The following EYS variants were observed in gnomAD, a reference collection of about 807,000 sequenced individuals.
EYS encodes the protein EGF-like photoreceptor maintenance factor.
EYS carries 250 observed loss-of-function variants against 282.1 expected under a neutral mutation model. The observed-to-expected ratio is 0.89, with a 90% confidence interval of 0.80 to 0.98. EYS has a LOEUF of 0.98. EYS is among the 50% of genes least tolerant of loss of function. EYS has a pLI of 0.00. For synonymous variants in EYS, 1,355 were observed against 1,282.9 expected (o/e 1.06, Z -1.20); for missense variants, 4,016 against 3,709.0 (o/e 1.08, Z -2.15).
chr6:64,329,042 G>A (rs1002567331), intron 29 of EYS, among the ~76,000 whole-genome samples: 1 of 152,134 alleles, frequency 6.6e-6, no homozygotes, highest in African/African-American at 2.4e-5. Context: ...TAATCGGACT[G>A]GCAGGAATCA....
At chr6:65,401,856 A>G (rs1241596165) in intron 7 of EYS, among the ~76,000 whole-genome samples, 1 of 151,946 alleles carries the variant, frequency 6.6e-6, no homozygotes, top group African/African-American at 2.4e-5. Flanking sequence ...TGAAGCAGTC[A>G]GATAAAAGTC....
intron 12 of EYS, among the ~76,000 whole-genome samples, chr6:65,214,652 C>T (rs1003307998): frequency 3.3e-5 from 5 of 152,120 alleles, no homozygotes; most frequent in Non-Finnish European, 5.9e-5. Context: ...AAATGTTCAA[C>T]GTAGACAAAA....
Position 64,230,817 on chromosome 6 carries a change from C to A in EYS, c.6199G>T (p.Gly2067Ter). The change falls in exon 31 of 43, where the codon GGA becomes TGA. Residue 2067 changes from glycine to a stop codon, truncating the protein, a stop_gained. Coordinates refer to ENST00000503581, the MANE Select transcript of EYS (RefSeq NM_001142800.2). LOFTEE classifies it high-confidence loss of function. ...GAGGCTGTTGGAGACAGCATAAATC[C>A]CTGGGATCTGTGATTTATAAACAGA... ...NYHINNCRSQ[G>*]FMLSPTASFV... The A allele has an allele frequency of 6.5e-7, 1 of 1,533,924 alleles. No individual in the cohort carries two copies. Among genetic ancestry groups the A allele is most frequent in the South Asian group, 1.2e-5 (1 of 82,952 alleles).
At chr6:64,245,161 G>A (rs950307623) in intron 30 of EYS, among the ~76,000 whole-genome samples, 2 of 152,120 alleles carry the variant, frequency 1.3e-5, no homozygotes, top group African/African-American at 2.4e-5. Context: ...CAACCCAAAT[G>A]TCCATCAATG....
At chr6:64,407,626 G>C (rs9451497) in intron 28 of EYS, among the ~76,000 whole-genome samples, 3 of 151,948 alleles carry the variant, frequency 2.0e-5, no homozygotes. Flanking sequence ...TTGTTTTCAA[G>C]GAATGTTTTA....
chr6:63,749,420 G>C (rs1399067957), intron 41 of EYS, among the ~76,000 whole-genome samples: 2 of 152,188 alleles, frequency 1.3e-5, no homozygotes, highest in African/African-American at 4.8e-5. Context: ...GTCAATTTTA[G>C]AGTGTGTGCC....
chr6:64,388,997 C>A (rs1398990913), intron 28 of EYS, among the ~76,000 whole-genome samples, 157 bp from the exon 29 acceptor site: 2 of 151,968 alleles, frequency 1.3e-5, no homozygotes, highest in Admixed American at 6.6e-5. Flanking sequence ...AAATTAGAAT[C>A]CTTAATGCTT....
intron 30 of EYS, among the ~76,000 whole-genome samples, chr6:64,239,176 C>A (rs1022364677): frequency 1.3e-5 from 2 of 152,120 alleles, no homozygotes; most frequent in African/African-American, 4.8e-5. Flanking sequence ...GGGTTGGTTC[C>A]AAGTCTTTGC....
chr6:64,016,439 C>T (rs977354763), intron 33 of EYS, among the ~76,000 whole-genome samples: 23 of 151,414 alleles, frequency 1.5e-4, no homozygotes, highest in African/African-American at 4.6e-4. Context: ...TAAACCTGTA[C>T]GTTGTAGCTC....
chr6:64,031,863 G>A (rs1165905944), intron 33 of EYS, among the ~76,000 whole-genome samples: 1 of 152,164 alleles, frequency 6.6e-6, no homozygotes, highest in Non-Finnish European at 1.5e-5. Flanking sequence ...CAATCAGCAG[G>A]ATGTGGGTGG....
chr6:65,147,835 A>G (rs115464372), intron 12 of EYS, among the ~76,000 whole-genome samples: 4,182 of 152,194 alleles, frequency 0.027, 77 homozygotes, highest in Non-Finnish European at 0.044. Context: ...TCTTACAAGC[A>G]TGGTGGAAGG....
intron 5 of EYS, among the ~76,000 whole-genome samples, chr6:65,436,864 C>A (rs1382620390): frequency 6.6e-6 from 1 of 151,894 alleles, no homozygotes; most frequent in Non-Finnish European, 1.5e-5. Context: ...ACCATTCTCC[C>A]AAAAATAATT....
rs537241507 is a variant in EYS, at chr6:65,490,474, T to C, written c.862+120A>G. Reference sequence around the variant, plus strand: ...AACTTTACCATAAAAGAGTTCAGTATATATACCTTCTGAAATTGTATTTTT... The same window carrying C: ...AACTTTACCATAAAAGAGTTCAGTACATATACCTTCTGAAATTGTATTTTT... On this transcript the variant is annotated intron_variant, in intron 5 of 42. Transcript: ENST00000503581. 228 of 697,136 alleles carry C rather than the reference T, an allele frequency of 3.3e-4. 8 individuals are homozygous for C. The South Asian group carries it at 3.6e-3, about 11-fold the overall frequency. 43.2% of individuals were successfully genotyped at this position (697,136 alleles called of 1,614,324 possible).
chr6:64,545,886 G>T (rs1764845107), intron 26 of EYS, among the ~76,000 whole-genome samples: 1 of 152,078 alleles, frequency 6.6e-6, no homozygotes, highest in African/African-American at 2.4e-5. Context: ...ACAAACAAAT[G>T]GAAGAACATT....
intron 12 of EYS, among the ~76,000 whole-genome samples, chr6:65,192,250 G>C (rs1325722458): frequency 6.7e-6 from 1 of 149,806 alleles, no homozygotes; most frequent in Non-Finnish European, 1.5e-5. Flanking sequence ...TCCCAGGATA[G>C]GGCACGTTAA....
At chr6:65,077,343 A>G (rs1417373559) in intron 12 of EYS, among the ~76,000 whole-genome samples, 2 of 152,116 alleles carry the variant, frequency 1.3e-5, no homozygotes, top group African/African-American at 4.8e-5. Context: ...TCACCATTAA[A>G]GAGAGACAAA....
At chr6:65,040,585 A>G (rs190219590) in intron 13 of EYS, among the ~76,000 whole-genome samples, 1 of 151,746 alleles carries the variant, frequency 6.6e-6, no homozygotes, top group Admixed American at 6.6e-5. Context: ...TAAAATGTGA[A>G]TTTTTGGAGG....
chr6:64,821,465 A>G (rs1764896840), intron 21 of EYS, among the ~76,000 whole-genome samples, 180 bp downstream of exon 21: 1 of 151,994 alleles, frequency 6.6e-6, no homozygotes, highest in Non-Finnish European at 1.5e-5. Context: ...TGGGGGAAAA[A>G]AAGCCATGAT....
At chr6:65,041,741 G>T (rs1306948328) in intron 13 of EYS, among the ~76,000 whole-genome samples, 1 of 151,508 alleles carries the variant, frequency 6.6e-6, no homozygotes, top group Non-Finnish European at 1.5e-5. Flanking sequence ...AGTTAATAAG[G>T]TCATGCTGTA....
Sources: allele counts gnomAD v4.1 joint callset (sites outside exome capture counted in the v4.1 genomes callset), GRCh38; gene constraint gnomAD v4.1.1; transcripts MANE v1.5; gene names NCBI Gene and HGNC (gene_info 2026-07-23, HGNC 2026-07-21).